Variants in CBLB observed in about 807,000 individuals in gnomAD.
CBLB encodes the protein Cbl proto-oncogene B.
CBLB carries 31 observed loss-of-function variants against 104.9 expected under a neutral mutation model. The observed-to-expected ratio is 0.30, with a 90% CI of 0.22 to 0.40. The LOEUF is 0.40. Ranked by LOEUF, CBLB falls within the 10% of genes least tolerant of loss-of-function variation. The pLI is 1.00. For synonymous variants in CBLB, 440 were observed against 422.6 expected (o/e 1.04, Z -0.51); for missense variants, 1,062 against 1,214.6 (o/e 0.87, Z 1.87).
In CBLB at chr3:105,659,217, G is replaced by C. The variant is rs55821768; in HGVS notation, c.2702C>G (p.Ala901Gly). Residue 901 changes from alanine to glycine, a missense_variant, in exon 19 of 19, where the codon GCA (alanine) becomes GGA (glycine). By Grantham distance (60) the Ala-to-Gly change is moderately conservative (BLOSUM62 0). Transcript: ENST00000394030. ...QLPSCSDGSQ[A>G]PARPPKPRPR... ...TCGTGGTTTAGGGGGTCTGGCTGGTGCCTGTGAACCATCTGTGTAGATTTT... is the reference window on the plus strand; with the variant it reads ...TCGTGGTTTAGGGGGTCTGGCTGGTCCCTGTGAACCATCTGTGTAGATTTT... 544 of 1,613,840 alleles carry C rather than the reference G, an allele frequency of 3.4e-4. 2 individuals carry two copies. The Middle Eastern group carries it at 0.014, about 41-fold the overall frequency.
At position 105,852,623 on chromosome 3, in the gene CBLB, G is replaced by A. The variant is rs78185404; in HGVS notation, c.419+791C>T. On this transcript the variant is annotated intron_variant, in intron 3 of 18. Transcript: ENST00000394030. ...CAATGTTTCTGAAGTCTGCAGTAGTGTACAGTAACAGTCCTAGGCCTTCAC... is the reference window on the plus strand; with the variant it reads ...CAATGTTTCTGAAGTCTGCAGTAGTATACAGTAACAGTCCTAGGCCTTCAC... 6.4e-3 allele frequency among the ~76,000 whole-genome samples: 975 copies of A among 152,020 alleles called. 31 individuals carry two copies. The highest frequency in any genetic ancestry group is 0.055 in the East Asian group (283 of 5,128).
chr3:105,834,080 C>T (rs368817735), intron 3 of CBLB, among the ~76,000 whole-genome samples: 3 of 138,448 alleles, frequency 2.2e-5, no homozygotes, highest in East Asian at 4.7e-4. Flanking sequence ...ATCACAATTT[C>T]CTGGGGTGGG....
Position 105,846,352 on chromosome 3 carries a change from A to T in CBLB, c.419+7062T>A, listed in dbSNP as rs566871824. On this transcript the variant is annotated intron_variant, in intron 3 of 18. Coordinates refer to ENST00000394030, the MANE Select transcript of CBLB (RefSeq NM_170662.5). ...TATAAGCCATTCCCTTTCATGTATCATTACATATTTCATAGATATCCAATA... is the reference window on the plus strand; with the variant it reads ...TATAAGCCATTCCCTTTCATGTATCTTTACATATTTCATAGATATCCAATA... Among the ~76,000 whole-genome samples, 144 of 152,162 alleles carry T rather than the reference A, an allele frequency of 9.5e-4. 1 individual carries two copies. Among genetic ancestry groups the T allele is most frequent in the African/African-American group, 3.4e-3 (143 of 41,568 alleles).
At chr3:105,847,993 CAT>C (rs2153109217) in intron 3 of CBLB, among the ~76,000 whole-genome samples, 1 of 152,146 alleles carries the variant, frequency 6.6e-6, no homozygotes, top group Non-Finnish European at 1.5e-5. Context: ...GACTTCTCCA[CAT>C]GTTCTTTACC....
At chr3:105,816,056 G>T (rs1194932924) in intron 3 of CBLB, among the ~76,000 whole-genome samples, 1 of 152,090 alleles carries the variant, frequency 6.6e-6, no homozygotes, top group East Asian at 1.9e-4. Context: ...CCTGTCGGGA[G>T]GTAGGGGGCA....
At chr3:105,806,076 A>G (rs2083459483) in intron 3 of CBLB, among the ~76,000 whole-genome samples, 1 of 152,238 alleles carries the variant, frequency 6.6e-6, no homozygotes, top group Admixed American at 6.5e-5. Flanking sequence ...AGAAAGAACA[A>G]GATGAATGAA....
intron 4 of CBLB, among the ~76,000 whole-genome samples, chr3:105,759,667 A>G (rs1297832905): frequency 6.6e-6 from 1 of 152,234 alleles, no homozygotes; most frequent in Non-Finnish European, 1.5e-5. Flanking sequence ...GCTTGGCCAC[A>G]GCTTTGCTCC....
chr3:105,830,846 T>C (rs1442784846), intron 3 of CBLB, among the ~76,000 whole-genome samples: 2 of 152,228 alleles, frequency 1.3e-5, no homozygotes, highest in Non-Finnish European at 2.9e-5. Flanking sequence ...GTCAATTCAT[T>C]CATTCAGATA....
At chr3:105,849,663 A>C (rs893186778) in intron 3 of CBLB, among the ~76,000 whole-genome samples, 1 of 152,124 alleles carries the variant, frequency 6.6e-6, no homozygotes, top group Non-Finnish European at 1.5e-5. Flanking sequence ...AAAGTGGGAT[A>C]CAAGTTTACC....
chr3:105,707,886 A>G (rs1465942617), intron 10 of CBLB, among the ~76,000 whole-genome samples: 4 of 152,254 alleles, frequency 2.6e-5, no homozygotes, highest in Non-Finnish European at 5.9e-5. Context: ...ACATCAATTC[A>G]ATGTAGACCA....
rs757081294 is a variant in CBLB at position 105,659,116 on chromosome 3, T to C, written c.2803A>G (p.Lys935Glu). 2.5e-6 allele frequency: 4 copies of C among 1,614,076 alleles called. No individual in the cohort carries two copies. Among genetic ancestry groups the C allele is most frequent in the Non-Finnish European group, 3.4e-6 (4 of 1,179,956 alleles). ...CCCTCTCCCATGAGTTTTGCAATTT[T>C]TGCATCGACATTTTCCAATGCCGCC... The part of the protein sequence containing the change: ...PEAALENVDA[K>E]IAKLMGEGYA... The change falls in exon 19 of 19, where the codon AAA becomes GAA. Residue 935 changes from lysine to glutamate, a missense_variant. By Grantham distance (56) the Lys-to-Glu change is moderately conservative. This residue lies in a region of CBLB where 605 missense variants were observed against 582.6 expected (regional missense o/e 1.04). Transcript: ENST00000394030.
At chr3:105,711,383 T>G (rs1405726550) in intron 10 of CBLB, among the ~76,000 whole-genome samples, 1 of 152,084 alleles carries the variant, frequency 6.6e-6, no homozygotes, top group Non-Finnish European at 1.5e-5. Flanking sequence ...CATATTTTAC[T>G]TGCTACTATT....
chr3:105,860,660 T>C (rs1411103266), intron 2 of CBLB, among the ~76,000 whole-genome samples: 1 of 152,196 alleles, frequency 6.6e-6, no homozygotes, highest in Admixed American at 6.5e-5. Context: ...TCTTCTCCCT[T>C]CCATATTTTA....
At chr3:105,736,853 T>C (rs1408745963) in intron 8 of CBLB, among the ~76,000 whole-genome samples, 1 of 152,104 alleles carries the variant, frequency 6.6e-6, no homozygotes, top group Non-Finnish European at 1.5e-5. Context: ...ATCTAAGGCA[T>C]ATAATTATTC....
intron 3 of CBLB, among the ~76,000 whole-genome samples, chr3:105,796,624 G>T (rs571204863): frequency 6.6e-6 from 1 of 152,216 alleles, no homozygotes; most frequent in South Asian, 2.1e-4. Flanking sequence ...CACAGCAAAA[G>T]AAACTATCAA....
In CBLB at chr3:105,855,416, A is replaced by T. The variant is rs60139983; in HGVS notation, c.169-1752T>A. On this transcript the variant is annotated intron_variant, in intron 2 of 18. Coordinates refer to ENST00000394030, the MANE Select transcript of CBLB (RefSeq NM_170662.5). ...AGAACAGAGTTTAAATGGTCTTACC[A>T]CAGAAAGGTAATTATGGAAGGTGAA... Among the ~76,000 whole-genome samples the T allele has an allele frequency of 6.8e-3, 1,029 of 152,362 alleles. 30 individuals are homozygous for T. The highest frequency in any genetic ancestry group is 0.054 in the East Asian group (280 of 5,188).
At chr3:105,785,688 A>G (rs931221600) in intron 3 of CBLB, among the ~76,000 whole-genome samples, 5 of 152,304 alleles carry the variant, frequency 3.3e-5, no homozygotes, top group Admixed American at 6.5e-5. Context: ...ATACAAATGA[A>G]CCAAAGGAGG....
At chr3:105,821,762 A>G (rs1187261411) in intron 3 of CBLB, among the ~76,000 whole-genome samples, 1 of 152,166 alleles carries the variant, frequency 6.6e-6, no homozygotes, top group Non-Finnish European at 1.5e-5. Flanking sequence ...TTCCTCAACT[A>G]ATGTTTCACC....
At chr3:105,800,139 T>C (rs115136204) in intron 3 of CBLB, among the ~76,000 whole-genome samples, 2,047 of 152,314 alleles carry the variant, frequency 0.013, 44 homozygotes, top group African/African-American at 0.047. Flanking sequence ...CTCAAATTCC[T>C]CATCTGAAAA....
Sources: gnomAD v4.1 joint callset for allele counts (sites outside exome capture counted in the v4.1 genomes callset) on GRCh38, gnomAD v4.1.1 for gene constraint, gnomAD v4.1.1 regional missense constraint, MANE v1.5 for transcripts, NCBI Gene and HGNC (gene_info 2026-07-23, HGNC 2026-07-21) for gene names.